Variants in RIPOR2 observed in about 807,000 individuals in gnomAD.
The protein encoded by RIPOR2 is RHO family interacting cell polarization regulator 2, also known as rho family-interacting cell polarization regulator 2.
RIPOR2 carries 39 observed loss-of-function variants against 114.5 expected under a neutral mutation model. The observed-to-expected ratio is 0.34, with a 90% CI of 0.26 to 0.44. RIPOR2 has a LOEUF of 0.44. Ranked by LOEUF, RIPOR2 falls within the 20% of genes least tolerant of loss-of-function variation. RIPOR2 has a pLI of 1.00. For synonymous variants in RIPOR2, 445 were observed against 484.4 expected, an observed-to-expected ratio of 0.92 and a Z score of 1.07; for missense variants, 1,007 against 1,255.1, an observed-to-expected ratio of 0.80 and a Z score of 2.99.
chr6:24,821,890 AG>A (rs1346458283), intron 19 of RIPOR2, among the ~76,000 whole-genome samples: 5 of 152,214 alleles, frequency 3.3e-5, no homozygotes, highest in Non-Finnish European at 7.3e-5. Context: ...CATGCCCGAG[AG>A]GAAGGACAAT....
intron 1 of RIPOR2, among the ~76,000 whole-genome samples, chr6:24,981,867 C>T (rs1774311064): frequency 6.6e-6 from 1 of 152,172 alleles, no homozygotes; most frequent in African/African-American, 2.4e-5. Context: ...GGGTTTCTGA[C>T]AAAAAATTCA....
chr6:24,853,681 A>G (rs1178198668), intron 8 of RIPOR2, among the ~76,000 whole-genome samples: 1 of 152,246 alleles, frequency 6.6e-6, no homozygotes, highest in Non-Finnish European at 1.5e-5. Context: ...TCCACTTCAT[A>G]GAATTGTTTG....
chr6:24,966,153 G>A (rs1477432865), intron 1 of RIPOR2, among the ~76,000 whole-genome samples: 2 of 152,170 alleles, frequency 1.3e-5, no homozygotes, highest in Non-Finnish European at 2.9e-5. Context: ...AACAGAAGCT[G>A]TGGACCATGC....
At chr6:24,840,048 T>G in intron 13 of RIPOR2, 1 of 781,758 alleles carries the variant, frequency 1.3e-6, no homozygotes, top group Non-Finnish European at 1.5e-6. Context: ...CTCCCGGGCT[T>G]AAGCAATCCT....
intron 1 of RIPOR2, among the ~76,000 whole-genome samples, chr6:24,975,752 T>C (rs1003670503): frequency 2.6e-5 from 4 of 152,174 alleles, no homozygotes; most frequent in African/African-American, 9.7e-5. Flanking sequence ...TGTGAGGTGA[T>C]AGATATGTAA....
chr6:24,967,909 C>CCTTTTTTTTT (rs1561814337), intron 1 of RIPOR2, among the ~76,000 whole-genome samples: 1 of 123,518 alleles, frequency 8.1e-6, no homozygotes. Flanking sequence ...AGATCTCAAT[C>CCTTTTTTTTT]TTTTTTTTTT....
chr6:24,893,078 T>C (rs137978491), intron 1 of RIPOR2, among the ~76,000 whole-genome samples: 1 of 152,274 alleles, frequency 6.6e-6, no homozygotes, highest in Non-Finnish European at 1.5e-5. Flanking sequence ...TGAGATGCAG[T>C]GGAAGCAGGT....
At chr6:24,879,334 G>T (rs1380572614) in intron 1 of RIPOR2, among the ~76,000 whole-genome samples, 1 of 152,110 alleles carries the variant, frequency 6.6e-6, no homozygotes, top group African/African-American at 2.4e-5. Context: ...GAGAGTGGGG[G>T]ACTCTGTCTC....
chr6:24,869,102 T>G lies in RIPOR2; in HGVS notation c.493A>C (p.Ile165Leu). 1 of 1,575,196 alleles carries G rather than the reference T, an allele frequency of 6.3e-7. No homozygotes were observed. The highest frequency in any genetic ancestry group is 8.7e-7 in the Non-Finnish European group (1 of 1,152,844). ...ACAGGAATTTCAGTTACCTTACTTA[T>G]ATGAAACTCCAGGCGTCTCATGTAT... ...ERYMRRLEFH[I>L]SKVDELYEAY... Residue 165 changes from isoleucine (I) to leucine (L), a missense_variant, in exon 6 of 22, where the codon ATA (isoleucine) becomes CTA (leucine). Transcript: ENST00000643898.
rs1156497956 is a variant in RIPOR2, at chr6:25,037,919, G to A, written c.76+3932C>T. Among the ~76,000 whole-genome samples the A allele has an allele frequency of 2.0e-5, 3 of 152,110 alleles. No individual in the cohort carries two copies. On this transcript the variant is annotated intron_variant, in intron 1 of 13. Coordinates refer to the RIPOR2 transcript ENST00000510784. This position sits in a 1 kb window ranked among gnomAD's most constrained non-coding sequence, Gnocchi z 4.5. Reference sequence around the variant, plus strand: ...ATATGGTCCGGGTATTAAATAATATGTGGGGATCATTGTTAATTTTATTAC... The same window carrying A: ...ATATGGTCCGGGTATTAAATAATATATGGGGATCATTGTTAATTTTATTAC...
intron 1 of RIPOR2, among the ~76,000 whole-genome samples, chr6:24,951,549 C>T (rs1364237892): frequency 6.6e-6 from 1 of 152,180 alleles, no homozygotes; most frequent in Non-Finnish European, 1.5e-5. Context: ...AAATGTTTCT[C>T]CATCACTTTC....
intron 1 of RIPOR2, among the ~76,000 whole-genome samples, chr6:25,034,447 C>T (rs1370906078): frequency 1.3e-5 from 2 of 152,158 alleles, no homozygotes; most frequent in Non-Finnish European, 2.9e-5. Flanking sequence ...TCTAGGCTAA[C>T]ATATTTCAAG....
In RIPOR2 at chr6:24,909,670, G is replaced by A. The variant is rs146075659; in HGVS notation, c.61+26168C>T. ...TTCTTCAGAATGGGGGCAGTGATTAGTCACAATCCTAGACCTTCTACCAAG... is the reference window on the plus strand; with the variant it reads ...TTCTTCAGAATGGGGGCAGTGATTAATCACAATCCTAGACCTTCTACCAAG... On this transcript the variant is annotated intron_variant, in intron 1 of 21. Coordinates refer to ENST00000643898, the MANE Select transcript of RIPOR2 (RefSeq NM_001286445.3). 2.3e-3 allele frequency among the ~76,000 whole-genome samples: 349 copies of A among 152,296 alleles called. 1 individual carries two copies. The highest frequency in any genetic ancestry group is 3.9e-3 in the Non-Finnish European group (267 of 68,032).
chr6:24,908,457 T>C (rs1458242363), intron 1 of RIPOR2, among the ~76,000 whole-genome samples: 1 of 152,212 alleles, frequency 6.6e-6, no homozygotes, highest in African/African-American at 2.4e-5. Context: ...TTGTCTATAT[T>C]TTAGTCTCTT....
intron 1 of RIPOR2, among the ~76,000 whole-genome samples, chr6:24,905,176 T>C (rs922915015): frequency 1.3e-4 from 20 of 152,148 alleles, no homozygotes; most frequent in African/African-American, 4.6e-4. Flanking sequence ...TAGAGTGTGT[T>C]TCCTTATCCT....
In RIPOR2 at chr6:25,041,576, TAAAGA is replaced by T. The variant is rs201899739; in HGVS notation, c.76+270_76+274del. Among the ~76,000 whole-genome samples the T allele has an allele frequency of 6.2e-3, 940 of 152,238 alleles. 11 individuals are homozygous for T. Among genetic ancestry groups the T allele is most frequent in the African/African-American group, 0.022 (900 of 41,538 alleles). ...TGTATTTTCCATCTGGTTGGAGAAATAAAGAAAAGAGGCCCTGTGGCCCTGTCTTG... is the reference window on the plus strand; with the variant it reads ...TGTATTTTCCATCTGGTTGGAGAAATAAAGAGGCCCTGTGGCCCTGTCTTG... On this transcript the variant is annotated intron_variant, in intron 1 of 13. Transcript: ENST00000510784.
chr6:24,854,403 C>A (rs576809926), intron 8 of RIPOR2, among the ~76,000 whole-genome samples: 1 of 152,276 alleles, frequency 6.6e-6, no homozygotes, highest in Non-Finnish European at 1.5e-5. Context: ...GTGCATTCGA[C>A]AATGTTTCTT....
chr6:24,972,844 C>T (rs568017763), intron 1 of RIPOR2, among the ~76,000 whole-genome samples: 1 of 152,308 alleles, frequency 6.6e-6, no homozygotes, highest in East Asian at 1.9e-4. Flanking sequence ...CTTGAAAAAT[C>T]TGTTTTACTA....
chr6:24,885,053 T>C (rs1766700128), intron 1 of RIPOR2, among the ~76,000 whole-genome samples: 1 of 152,182 alleles, frequency 6.6e-6, no homozygotes, highest in South Asian at 2.1e-4. Flanking sequence ...GCTGGCAGGA[T>C]GCTATGTGTT....
Sources: gnomAD v4.1 joint callset for allele counts (sites outside exome capture counted in the v4.1 genomes callset) on GRCh38, gnomAD v4.1.1 for gene constraint, Gnocchi (gnomAD v3.1) non-coding constraint, MANE v1.5 for transcripts, NCBI Gene and HGNC (gene_info 2026-07-23, HGNC 2026-07-21) for gene names.